Variants in CAPZB observed in about 807,000 individuals in gnomAD.
CAPZB encodes F-actin-capping protein subunit beta.
CAPZB carries 2 observed loss-of-function variants against 38.1 expected under a neutral mutation model. The ratio of observed to expected loss-of-function variants is 0.05; its 90% CI spans 0.02 to 0.17. CAPZB has a LOEUF of 0.17. Ranked by LOEUF, CAPZB falls within the 10% of genes least tolerant of loss-of-function variation. The pLI, the probability that CAPZB is intolerant of heterozygous loss-of-function variation, is 1.00. For missense variants in CAPZB, 161 were observed against 334.2 expected (o/e 0.48, Z 4.04); for synonymous variants, 107 against 127.4 (o/e 0.84, Z 1.08).
intron 4 of CAPZB, among the ~76,000 whole-genome samples, chr1:19,377,042 T>C (rs1405540131): frequency 1.3e-5 from 2 of 152,248 alleles, no homozygotes; most frequent in African/African-American, 2.4e-5. Flanking sequence ...GTAACTGTTA[T>C]CATCACCATC....
intron 6 of CAPZB, among the ~76,000 whole-genome samples, chr1:19,355,917 C>A (rs1165046359): frequency 6.6e-6 from 1 of 152,164 alleles, no homozygotes; most frequent in Non-Finnish European, 1.5e-5. Context: ...CTTATGGGAG[C>A]ATCTAAGGTA....
chr1:19,339,483 G>A lies in CAPZB; in HGVS notation c.*47C>T. The stretch of plus-strand genomic sequence containing the variant: ...AGCAGAAAACGAGTTTTCTAAGAAA[G>A]GAATCTAACGAGTGCACGGCGTGTC... On this transcript the variant is annotated 3_prime_UTR_variant, in exon 9 of 9. Transcript: ENST00000264202. 4 of 1,400,978 alleles carry A rather than the reference G, an allele frequency of 2.9e-6. No homozygotes were observed. The South Asian group carries it at 3.5e-5, about 12-fold the overall frequency. The allele number at this position is 1,400,978 out of a possible 1,614,324, so 86.8% of individuals were successfully genotyped here.
intron 2 of CAPZB, among the ~76,000 whole-genome samples, chr1:19,410,342 G>A (rs560409443): frequency 8.5e-5 from 13 of 152,298 alleles, no homozygotes; most frequent in African/African-American, 3.1e-4. Flanking sequence ...GAACCATCCC[G>A]TTGGTTCTTG....
At position 19,349,144 on chromosome 1, in the gene CAPZB, G is replaced by A. The variant is rs141800569; in HGVS notation, c.589-3892C>T. ...AGCAAAACCCTGGTGCCAAGACGAC[G>A]GGGTGGGCTGTCTGCTCAACAGGAG... On this transcript the variant is annotated intron_variant, in intron 6 of 8. Coordinates refer to ENST00000264202, the MANE Select transcript of CAPZB (RefSeq NM_004930.5). Among the ~76,000 whole-genome samples the A allele has an allele frequency of 1.0e-3, 153 of 152,268 alleles. 1 individual carries two copies. The highest frequency in any genetic ancestry group is 3.3e-3 in the African/African-American group (136 of 41,540).
intron 4 of CAPZB, among the ~76,000 whole-genome samples, chr1:19,375,120 C>T (rs896261423): frequency 7.2e-5 from 11 of 152,248 alleles, no homozygotes; most frequent in African/African-American, 2.2e-4. Flanking sequence ...TCGCGGGGCA[C>T]TCTGGGAATG....
At chr1:19,432,333 C>T (rs975191481) in intron 1 of CAPZB, among the ~76,000 whole-genome samples, 5 of 151,620 alleles carry the variant, frequency 3.3e-5, no homozygotes, top group Non-Finnish European at 7.4e-5. Flanking sequence ...TCCTAGCTAC[C>T]CAGGAGGCTG....
intron 1 of CAPZB, among the ~76,000 whole-genome samples, chr1:19,445,237 T>C (rs1313391474): frequency 6.6e-6 from 1 of 152,190 alleles, no homozygotes; most frequent in Non-Finnish European, 1.5e-5. Flanking sequence ...ATAAGACTTA[T>C]GTGACCCAAT....
At chr1:19,429,108 T>C (rs1458123794) in intron 1 of CAPZB, among the ~76,000 whole-genome samples, 2 of 152,214 alleles carry the variant, frequency 1.3e-5, no homozygotes, top group African/African-American at 4.8e-5. Context: ...CATTTCTCAT[T>C]AGCCTAAGGA....
chr1:19,400,230 T>C (rs902283015), intron 2 of CAPZB, among the ~76,000 whole-genome samples: 5 of 151,852 alleles, frequency 3.3e-5, no homozygotes, highest in Non-Finnish European at 5.9e-5. Context: ...CAGGTCTTCG[T>C]CAATTTCAGT....
At chr1:19,469,822 G>T (rs541545498) in intron 1 of CAPZB, among the ~76,000 whole-genome samples, 114 of 149,490 alleles carry the variant, frequency 7.6e-4, no homozygotes, top group African/African-American at 2.7e-3. Context: ...CACAGTAAAG[G>T]GCTTGCAAAT....
intron 1 of CAPZB, among the ~76,000 whole-genome samples, chr1:19,475,590 TC>T (rs1054549429): frequency 6.6e-6 from 1 of 152,124 alleles, no homozygotes; most frequent in Non-Finnish European, 1.5e-5. Context: ...TCCTCTGTTC[TC>T]GACTGAGAGC....
At chr1:19,419,055 G>C (rs1367745233) in intron 2 of CAPZB, among the ~76,000 whole-genome samples, 1 of 152,108 alleles carries the variant, frequency 6.6e-6, no homozygotes, top group Non-Finnish European at 1.5e-5. Context: ...AGATGTTTTT[G>C]AATATTTTGA....
At chr1:19,409,489 C>A (rs2094348170) in intron 2 of CAPZB, among the ~76,000 whole-genome samples, 1 of 152,200 alleles carries the variant, frequency 6.6e-6, no homozygotes, top group Admixed American at 6.5e-5. Context: ...GTTTCTTCCT[C>A]TGTGAATTGC....
rs193101660 is a variant in CAPZB, at chr1:19,395,328, A to G, written c.94-9702T>C. 2.0e-5 allele frequency among the ~76,000 whole-genome samples: 3 copies of G among 152,308 alleles called. No individual in the cohort carries two copies. In the East Asian group the frequency reaches 5.8e-4, roughly 29 times the overall value. ...AGAAATGAGTCTTCCACATGCCATT[A>G]ACAACAAAGAGCTTTTTCAGGAAAC... On this transcript the variant is annotated intron_variant, in intron 2 of 8. Transcript: ENST00000264202.
In CAPZB at chr1:19,449,101, C is replaced by T. The variant is rs573016518; in HGVS notation, c.4-29351G>A. The T allele has an allele frequency of 1.4e-4, 195 of 1,427,050 alleles. No homozygotes were observed. In the African/African-American group the frequency reaches 2.7e-3, roughly 19 times the overall value. 88.4% of individuals were successfully genotyped at this position (1,427,050 alleles called of 1,614,324 possible). On this transcript the variant is annotated intron_variant, in intron 1 of 8. Transcript: ENST00000264202. ...AGATGGTTTTCATTTGCAGATGAAA[C>T]CCCAGCAGTTCCATTGCCACAAAAA...
At chr1:19,351,354 C>T (rs945054775) in intron 6 of CAPZB, among the ~76,000 whole-genome samples, 18 of 151,948 alleles carry the variant, frequency 1.2e-4, no homozygotes, top group African/African-American at 4.1e-4. Context: ...GCTGCCCAGG[C>T]TGGAATGCAA....
At chr1:19,350,619 T>C (rs1156538617) in intron 6 of CAPZB, among the ~76,000 whole-genome samples, 2 of 152,260 alleles carry the variant, frequency 1.3e-5, no homozygotes, top group East Asian at 3.8e-4. Context: ...GTAATTGTTT[T>C]TATTTTTATT....
chr1:19,342,787 T>G, intron 8 of CAPZB: 1 of 1,612,238 alleles, frequency 6.2e-7, no homozygotes, highest in Non-Finnish European at 8.5e-7. Flanking sequence ...GATGTAGATC[T>G]GGCGCTGGGT....
chr1:19,430,989 C>T (rs2094439973), intron 1 of CAPZB, among the ~76,000 whole-genome samples: 1 of 152,200 alleles, frequency 6.6e-6, no homozygotes, highest in African/African-American at 2.4e-5. Flanking sequence ...CATACCCCTC[C>T]ACCTGTCCAA....
Sources: gnomAD v4.1 joint callset for allele counts (sites outside exome capture counted in the v4.1 genomes callset) on GRCh38, gnomAD v4.1.1 for gene constraint, MANE v1.5 for transcripts, NCBI Gene and HGNC (gene_info 2026-07-23, HGNC 2026-07-21) for gene names.